MACC1: variants seen among roughly 807,000 people sequenced by gnomAD.
MACC1 encodes the protein metastasis-associated in colon cancer protein 1.
MACC1 carries 79 observed loss-of-function variants against 70.7 expected under a neutral mutation model. The ratio of observed to expected loss-of-function variants is 1.12; its 90% CI spans 0.93 to 1.35. MACC1 has a LOEUF of 1.35. MACC1 is among the 40% of genes most tolerant of loss of function. The probability of loss-of-function intolerance (pLI) is 0.00; values close to 1 mark genes in which losing one functional copy is unlikely to be tolerated. For missense variants in MACC1, 1,106 were observed against 978.1 expected, an observed-to-expected ratio of 1.13 and a Z score of -1.74; for synonymous variants, 361 against 347.2, an observed-to-expected ratio of 1.04 and a Z score of -0.44.
chr7:20,210,977 C>A (rs1782987424), intron 1 of MACC1, among the ~76,000 whole-genome samples: 1 of 152,112 alleles, frequency 6.6e-6, no homozygotes, highest in South Asian at 2.1e-4. Context: ...AAACTAAATT[C>A]TTCTCAGTAC....
intron 1 of MACC1, among the ~76,000 whole-genome samples, chr7:20,193,515 A>G (rs1782702580): frequency 1.3e-5 from 2 of 152,196 alleles, no homozygotes; most frequent in Admixed American, 1.3e-4. Flanking sequence ...TTTGTTTTTC[A>G]ATTCTCATTT....
At chr7:20,163,870 C>T (rs1187885475) in intron 3 of MACC1, among the ~76,000 whole-genome samples, 1 of 152,210 alleles carries the variant, frequency 6.6e-6, no homozygotes, top group East Asian at 1.9e-4. Flanking sequence ...ACTCAAGATT[C>T]CCAATGTACC....
intron 1 of MACC1, among the ~76,000 whole-genome samples, chr7:20,197,085 TAGA>T (rs1782765012): frequency 6.6e-6 from 1 of 152,258 alleles, no homozygotes; most frequent in African/African-American, 2.4e-5. Flanking sequence ...CCCTGATTTC[TAGA>T]AGTTTATTTT....
In MACC1 at chr7:20,217,313, G is replaced by C. The variant is rs563895845; in HGVS notation, c.-232C>G. The C allele has an allele frequency of 6.6e-6, 1 of 152,294 alleles. No homozygotes were observed. The highest frequency in any genetic ancestry group is 6.5e-5 in the Admixed American group (1 of 15,292). The allele number at this position is 152,294 out of a possible 1,614,324, so 9.4% of individuals were successfully genotyped here. A position where few individuals can be genotyped will look rare whatever the true frequency, so the allele number is the denominator to read the frequency against. Reference sequence around the variant, plus strand: ...TCAGCACTTACATTTGTGGAAGTGAGCCCAAGCTTCTTCAGTTCAGACACA... The same window carrying C: ...TCAGCACTTACATTTGTGGAAGTGACCCCAAGCTTCTTCAGTTCAGACACA... On this transcript the variant is annotated 5_prime_UTR_variant, in exon 1 of 7. Transcript: ENST00000400331.
At position 20,159,457 on chromosome 7, in the gene MACC1, T is replaced by C; in HGVS notation, c.904A>G (p.Ser302Gly). 6.2e-7 allele frequency: 1 copy of C among 1,614,084 alleles called. No individual in the cohort carries two copies. The highest frequency in any genetic ancestry group is 8.5e-7 in the Non-Finnish European group (1 of 1,180,024). Reference sequence around the variant, plus strand: ...CACACCATTTCTGTCATGACTTGGCTGAAAGGATCCTTTCTTACTTCAGCC... The same window carrying C: ...CACACCATTTCTGTCATGACTTGGCCGAAAGGATCCTTTCTTACTTCAGCC... ...IGAEVRKDPFSQVMTEMVCLH... is the reference protein window; with the variant it reads ...IGAEVRKDPFGQVMTEMVCLH... Residue 302 changes from serine to glycine, a missense_variant, in exon 5 of 7, where the codon AGC becomes GGC. Coordinates refer to ENST00000400331, the MANE Select transcript of MACC1 (RefSeq NM_182762.4).
chr7:20,201,638 G>A (rs1272325780), intron 1 of MACC1, among the ~76,000 whole-genome samples: 2 of 152,202 alleles, frequency 1.3e-5, no homozygotes, highest in East Asian at 3.8e-4. Flanking sequence ...TCAGGAAGGT[G>A]GAAAGCAAAA....
chr7:20,208,834 G>A (rs141621472), intron 1 of MACC1, among the ~76,000 whole-genome samples: 57 of 152,320 alleles, frequency 3.7e-4, no homozygotes, highest in Non-Finnish European at 6.0e-4. Context: ...AAACGGTTTC[G>A]TGGGCAGGGC....
chr7:20,215,773 C>T (rs953049638), intron 1 of MACC1, among the ~76,000 whole-genome samples: 1 of 152,182 alleles, frequency 6.6e-6, no homozygotes, highest in Non-Finnish European at 1.5e-5. Context: ...CTTTTGTCCT[C>T]CAAATCAGCC....
chr7:20,167,843 T>C (rs1347549818), intron 2 of MACC1, among the ~76,000 whole-genome samples: 1 of 152,148 alleles, frequency 6.6e-6, no homozygotes, highest in Non-Finnish European at 1.5e-5. Context: ...CTTGGTGTAA[T>C]GCTCTGCCAC....
Position 20,195,668 on chromosome 7 carries a change from G to A in MACC1, c.-218+21631C>T, listed in dbSNP as rs113613929. On this transcript the variant is annotated intron_variant, in intron 1 of 6. Transcript: ENST00000400331. ...CAATCTATGGTTGGTTTTTTCATCA[G>A]GAGAATGTTATTGAAATCAAAGCTG... is the stretch of plus-strand genomic sequence containing the variant. 1.1e-4 allele frequency among the ~76,000 whole-genome samples: 17 copies of A among 152,328 alleles called. No homozygotes were observed. The East Asian group carries it at 2.3e-3, about 21-fold the overall frequency.
intron 3 of MACC1, among the ~76,000 whole-genome samples, 192 bp downstream of exon 3, chr7:20,164,064 G>A (rs1396278599): frequency 3.3e-5 from 5 of 152,282 alleles, no homozygotes; most frequent in African/African-American, 1.2e-4. Flanking sequence ...AGCCTCCAGA[G>A]TAGCCGGGAT....
chr7:20,137,543 T>A lies in MACC1; in HGVS notation c.*3403A>T, dbSNP rs1781734554. On this transcript the variant is annotated 3_prime_UTR_variant, in exon 7 of 7. Coordinates refer to ENST00000400331, the MANE Select transcript of MACC1 (RefSeq NM_182762.4). ...CACTTAATTCAAATCTTATCCTAAG[T>A]CACGCATCATTAGACAAAAAGCCTG... The A allele has an allele frequency of 6.6e-6, 1 of 152,210 alleles. No individual in the cohort carries two copies. Among genetic ancestry groups the A allele is most frequent in the Admixed American group, 6.5e-5 (1 of 15,288 alleles). 9.4% of individuals were successfully genotyped at this position (152,210 alleles called of 1,614,324 possible). A position where few individuals can be genotyped will look rare whatever the true frequency, so the allele number is the denominator to read the frequency against.
chr7:20,208,613 C>A (rs963188065), intron 1 of MACC1, among the ~76,000 whole-genome samples: 1 of 151,936 alleles, frequency 6.6e-6, no homozygotes, highest in Non-Finnish European at 1.5e-5. Flanking sequence ...GAGAAAGCAA[C>A]GCATAAAAGT....
chr7:20,151,846 A>G (rs1418539762), intron 6 of MACC1, among the ~76,000 whole-genome samples: 1 of 152,140 alleles, frequency 6.6e-6, no homozygotes, highest in African/African-American at 2.4e-5. Flanking sequence ...GCACCTTCTG[A>G]CTCTGCAACA....
At chr7:20,181,783 C>T (rs1007829819) in intron 1 of MACC1, among the ~76,000 whole-genome samples, 4 of 151,642 alleles carry the variant, frequency 2.6e-5, no homozygotes, top group Admixed American at 2.0e-4. Flanking sequence ...ATAACCAGTG[C>T]AATGAAACAA....
chr7:20,142,791 G>A (rs1781825787), intron 6 of MACC1, among the ~76,000 whole-genome samples: 1 of 152,172 alleles, frequency 6.6e-6, no homozygotes, highest in African/African-American at 2.4e-5. Flanking sequence ...TCTCTGAGAC[G>A]TGGACACTAC....
intron 2 of MACC1, 150 bp downstream of exon 2, chr7:20,170,564 G>A (rs1362120317): frequency 6.6e-5 from 10 of 152,150 alleles, no homozygotes; most frequent in East Asian, 1.9e-4. Context: ...TTATTGTATC[G>A]TTTAAAATTA....
At position 20,158,521 on chromosome 7, in the gene MACC1, C is replaced by T; in HGVS notation, c.1840G>A (p.Val614Ile). ...GKIGLVHCKN[V>I]KVISKEQVMF... Reference sequence around the variant, plus strand: ...ACTTGCTCCTTTGAAATCACCTTGACATTTTTGCAGTGTACAAGTCCAATC... The same window carrying T: ...ACTTGCTCCTTTGAAATCACCTTGATATTTTTGCAGTGTACAAGTCCAATC... The change falls in exon 5 of 7, where the codon GTC becomes ATC. Residue 614 changes from valine to isoleucine, a missense_variant. Physicochemically the swap from Val to Ile is conservative, Grantham distance 29 (BLOSUM62 3). Transcript: ENST00000400331. 2 of 1,614,132 alleles carry T rather than the reference C, an allele frequency of 1.2e-6. No individual in the cohort carries two copies. Among genetic ancestry groups the T allele is most frequent in the Non-Finnish European group, 1.7e-6 (2 of 1,180,000 alleles).
At chr7:20,160,984 T>C (rs1208482906) in intron 4 of MACC1, among the ~76,000 whole-genome samples, 1 of 152,146 alleles carries the variant, frequency 6.6e-6, no homozygotes, top group Non-Finnish European at 1.5e-5. Flanking sequence ...CCACTAGAAA[T>C]TGAAGCATTA....
Sources: allele counts gnomAD v4.1 joint callset (sites outside exome capture counted in the v4.1 genomes callset), GRCh38; gene constraint gnomAD v4.1.1; transcripts MANE v1.5; gene names NCBI Gene and HGNC (gene_info 2026-07-23, HGNC 2026-07-21).